TRIM66: variants seen among roughly 807,000 people sequenced by gnomAD.
TRIM66 encodes the protein tripartite motif-containing protein 66.
A neutral mutation model predicts 148.2 loss-of-function variants in TRIM66; 99 were observed. That is an observed-to-expected ratio of 0.67 (90% CI 0.57 to 0.79). TRIM66 has a LOEUF of 0.79. TRIM66 is among the 30% of genes least tolerant of loss of function. The pLI is 0.00. For missense variants in TRIM66, 1,666 were observed against 1,697.9 expected (o/e 0.98, Z 0.33); for synonymous variants, 616 against 635.9 (o/e 0.97, Z 0.47).
chr11:8,656,463 G>A (rs1018543700), intron 6 of TRIM66, among the ~76,000 whole-genome samples: 1 of 152,180 alleles, frequency 6.6e-6, no homozygotes. Context: ...AGGAGATGTG[G>A]GGCTTCTGCC....
At chr11:8,682,762 G>T, upstream of TRIM66, 1 of 1,613,268 alleles carries the variant, frequency 6.2e-7, no homozygotes, top group Non-Finnish European at 8.5e-7. Flanking sequence ...CCCCGTGGCC[G>T]ATACCTCGCG....
chr11:8,618,087 C>A, intron 24 of TRIM66, 84 bp from the exon 25 acceptor site: 1 of 1,326,452 alleles, frequency 7.5e-7, no homozygotes, highest in South Asian at 1.3e-5. Context: ...GATTGCAGTT[C>A]TGCCAAGTCA....
At position 8,640,937 on chromosome 11, in the gene TRIM66, GGCCTT is replaced by G; in HGVS notation, c.1433_1437del (p.Lys478ThrfsTer18). 6.4e-7 allele frequency: 1 copy of G among 1,551,066 alleles called. No homozygotes were observed. Among genetic ancestry groups the G allele is most frequent in the Non-Finnish European group, 8.7e-7 (1 of 1,146,974 alleles). On this transcript the variant is annotated frameshift_variant, in exon 14 of 25. Transcript: ENST00000646038. LOFTEE classifies it high-confidence loss of function. ...GGGTGTATGCTGGGTGGGGGGACCT[GGCCTT>G]TGAGGGAAGGCGAGACTGGGGAGCA... is the stretch of plus-strand genomic sequence containing the variant.
chr11:8,615,874 TCA>T lies in TRIM66; in HGVS notation c.*2068_*2069del, dbSNP rs1255795939. ...TGAGGAAGGATCAGGTCTGAGCCTGTCACAACACTCACCAGTTGCCCAACACC... is the reference window on the plus strand; with the variant it reads ...TGAGGAAGGATCAGGTCTGAGCCTGTCAACACTCACCAGTTGCCCAACACC... On this transcript the variant is annotated 3_prime_UTR_variant, in exon 25 of 25. Transcript: ENST00000646038. 1 of 152,182 alleles carries T rather than the reference TCA, an allele frequency of 6.6e-6. No homozygotes were observed. The highest frequency in any genetic ancestry group is 1.9e-4 in the East Asian group (1 of 5,198). The allele number at this position is 152,182 out of a possible 1,614,324, so 9.4% of individuals were successfully genotyped here.
intron 23 of TRIM66, 91 bp downstream of exon 23, chr11:8,619,292 C>T: frequency 7.1e-7 from 1 of 1,408,004 alleles, no homozygotes; most frequent in Non-Finnish European, 9.4e-7. Flanking sequence ...TCATGGCAGC[C>T]CAGACCAAAC....
At chr11:8,634,080 G>GT (rs2035657659) in intron 15 of TRIM66, among the ~76,000 whole-genome samples, 1 of 152,206 alleles carries the variant, frequency 6.6e-6, no homozygotes, top group Admixed American at 6.5e-5. Flanking sequence ...CTGGGGCTAT[G>GT]TTATGAGCAG....
intron 6 of TRIM66, chr11:8,658,643 G>A (rs2038035704): frequency 2.7e-6 from 1 of 370,826 alleles, no homozygotes; most frequent in Non-Finnish European, 3.7e-6. Flanking sequence ...ACAGGCTCAC[G>A]CAGCAGCGGT....
At chr11:8,668,193 G>A (rs2038717259) in intron 6 of TRIM66, among the ~76,000 whole-genome samples, 1 of 151,540 alleles carries the variant, frequency 6.6e-6, no homozygotes, top group South Asian at 2.1e-4. Context: ...TTTTTTCTTG[G>A]GCTTATTGGT....
At position 8,626,715 on chromosome 11, in the gene TRIM66, A is replaced by G. The variant is rs557495356; in HGVS notation, c.2311-1487T>C. On this transcript the variant is annotated intron_variant, in intron 15 of 24. Coordinates refer to ENST00000646038, the MANE Select transcript of TRIM66 (RefSeq NM_001388022.1). ...TCCGATCACATCATTTCTTTTCATA[A>G]AACCCCGCAGTGCGCTACATTCTTC... Among the ~76,000 whole-genome samples the G allele has an allele frequency of 2.0e-5, 3 of 152,316 alleles. No individual in the cohort carries two copies. In the South Asian group the frequency reaches 6.2e-4, roughly 32 times the overall value.
intron 21 of TRIM66, 114 bp downstream of exon 21, chr11:8,620,332 G>T: frequency 6.8e-7 from 1 of 1,475,972 alleles, no homozygotes; most frequent in Non-Finnish European, 9.1e-7. Context: ...TCAGGCATAG[G>T]ACGAAGAAAT....
Position 8,672,105 on chromosome 11 carries a change from G to A in TRIM66, c.28-7C>T, listed in dbSNP as rs991382278. ...AGCGAGCCAGCTCCACTCCCTGTAAGTGAAGCACAAAGCAGAGTGATCTAC... is the reference window on the plus strand; with the variant it reads ...AGCGAGCCAGCTCCACTCCCTGTAAATGAAGCACAAAGCAGAGTGATCTAC... On this transcript the variant is annotated splice_region_variant and splice_polypyrimidine_tract_variant and intron_variant, in intron 5 of 24. Coordinates refer to ENST00000646038, the MANE Select transcript of TRIM66 (RefSeq NM_001388022.1). 1 of 1,523,682 alleles carries A rather than the reference G, an allele frequency of 6.6e-7. No individual in the cohort carries two copies. The allele number at this position is 1,523,682 out of a possible 1,614,324, so 94.4% of individuals were successfully genotyped here. A position where few individuals can be genotyped will look rare whatever the true frequency, so the allele number is the denominator to read the frequency against.
chr11:8,682,944 G>T, upstream of TRIM66: 1 of 1,311,002 alleles, frequency 7.6e-7, no homozygotes, highest in Middle Eastern at 1.9e-4. Context: ...CGCCTGCGGG[G>T]CAGGGTGGCC....
At chr11:8,682,465 C>A (rs1235714793) in intron 1 of TRIM66, 136 bp downstream of exon 1, 1 of 386,582 alleles carries the variant, frequency 2.6e-6, no homozygotes, top group Non-Finnish European at 4.7e-6. Flanking sequence ...CCCTTAGGGT[C>A]GGCTTAGGCG....
At position 8,649,866 on chromosome 11, in the gene TRIM66, T is replaced by C. The variant is rs759208509; in HGVS notation, c.466A>G (p.Lys156Glu). The C allele has an allele frequency of 5.2e-5, 81 of 1,551,442 alleles. No individual in the cohort carries two copies. In the African/African-American group the frequency reaches 1.0e-3, roughly 19 times the overall value. The change falls in exon 8 of 25, where the codon AAG becomes GAG. Residue 156 changes from lysine to glutamate, a missense_variant. Around this residue, in one of 3 missense-constraint regions of TRIM66, gnomAD observed 1,431 missense variants for 1,412.4 expected, o/e 1.01. Coordinates refer to ENST00000646038, the MANE Select transcript of TRIM66 (RefSeq NM_001388022.1). The part of the protein sequence containing the change: ...MARNCSECKE[K>E]RAAHILCTYC... ...GTGCAGAGGATATGTGCTGCCCTCTTCTCCTTGCACTCAGAGCAGTTCTGG... is the reference window on the plus strand; with the variant it reads ...GTGCAGAGGATATGTGCTGCCCTCTCCTCCTTGCACTCAGAGCAGTTCTGG...
At chr11:8,647,615 T>C (rs766865962) in intron 10 of TRIM66, among the ~76,000 whole-genome samples, 1 of 152,186 alleles carries the variant, frequency 6.6e-6, no homozygotes, top group Non-Finnish European at 1.5e-5. Context: ...AAAGCACAGA[T>C]TGCCCCTGGT....
rs1022268644 is a variant in TRIM66 at position 8,640,698 on chromosome 11, G to C, written c.1677C>G (p.Val559=). The C allele has an allele frequency of 4.5e-6, 7 of 1,551,536 alleles. No individual in the cohort carries two copies. In the African/African-American group the frequency reaches 6.8e-5, roughly 15 times the overall value. The change falls in exon 14 of 25, where the codon GTC becomes GTG. Residue 559 remains valine (V), a synonymous_variant. Transcript: ENST00000646038. ...CTCCTTGCTGAACATCCTGTGGGGG[G>C]ACAATGCACACGGGCTGGGAAGTCA... The part of the protein sequence containing the change: ...QQLTSQPVCI[V]PPQDVQQGAH...
Position 8,625,153 on chromosome 11 carries a change from G to A in TRIM66, c.2386C>T (p.Pro796Ser). The change falls in exon 16 of 25, where the codon CCC becomes TCC. Residue 796 changes from proline (P) to serine (S), a missense_variant. This residue lies in a region of TRIM66 where 1,431 missense variants were observed against 1,412.4 expected (regional missense o/e 1.01). Coordinates refer to ENST00000646038, the MANE Select transcript of TRIM66 (RefSeq NM_001388022.1). The part of the protein sequence containing the change: ...MELSSTRLER[P>S]LEPQIQSVSN... ...ACACTCTGGATCTGTGGCTCTAGGG[G>A]CCTCTCCAACCTGGTAGATGACAAC... is the stretch of plus-strand genomic sequence containing the variant. The A allele has an allele frequency of 6.5e-7, 1 of 1,548,264 alleles. No homozygotes were observed. The highest frequency in any genetic ancestry group is 8.7e-7 in the Non-Finnish European group (1 of 1,144,726).
intron 8 of TRIM66, 68 bp from the exon 9 acceptor site, chr11:8,648,616 C>G (rs2037074267): frequency 2.0e-6 from 3 of 1,530,662 alleles, no homozygotes; most frequent in African/African-American, 2.8e-5. Flanking sequence ...TTAAGCTTTG[C>G]TGCACAGCTC....
rs529161253 is a variant in TRIM66, at chr11:8,650,294, G to C, written c.445-407C>G. On this transcript the variant is annotated intron_variant, in intron 7 of 24. Coordinates refer to ENST00000646038, the MANE Select transcript of TRIM66 (RefSeq NM_001388022.1). ...AGACTGAGGTGGGAAGATCGCTTGA[G>C]CTCAGGAGGTCAAGGCTGCAGTGAG... is the stretch of plus-strand genomic sequence containing the variant. Among the ~76,000 whole-genome samples, 133 of 152,164 alleles carry C rather than the reference G, an allele frequency of 8.7e-4. 2 individuals are homozygous for C. The Middle Eastern group carries it at 0.02, about 23-fold the overall frequency.
Sources: allele counts gnomAD v4.1 joint callset (sites outside exome capture counted in the v4.1 genomes callset), GRCh38; gene constraint gnomAD v4.1.1; regional missense constraint gnomAD v4.1.1; transcripts MANE v1.5; gene names NCBI Gene and HGNC (gene_info 2026-07-23, HGNC 2026-07-21).